Variants in ULK4 observed in about 807,000 individuals in gnomAD.
The protein encoded by ULK4 is inactive serine/threonine-protein kinase ULK4.
A neutral mutation model predicts 160.6 loss-of-function variants in ULK4; 133 were observed. That is an observed-to-expected ratio of 0.83 (90% CI 0.72 to 0.96). The LOEUF (loss-of-function observed/expected upper bound fraction) is 0.96. Ranked by LOEUF, ULK4 falls within the 40% of genes least tolerant of loss-of-function variation. The probability of loss-of-function intolerance (pLI) is 0.00; values close to 1 mark genes in which losing one functional copy is unlikely to be tolerated. For missense variants in ULK4, 1,580 were observed against 1,499.5 expected, an observed-to-expected ratio of 1.05 and a Z score of -0.89; for synonymous variants, 534 against 539.8, an observed-to-expected ratio of 0.99 and a Z score of 0.15.
At chr3:41,696,576 CAGCTGTCTTTT>C (rs1482186195) in intron 27 of ULK4, among the ~76,000 whole-genome samples, 1 of 152,086 alleles carries the variant, frequency 6.6e-6, no homozygotes, top group Non-Finnish European at 1.5e-5. Context: ...CCACTGGGCC[CAGCTGTCTTTT>C]ATCTCTTTGT....
intron 17 of ULK4, among the ~76,000 whole-genome samples, chr3:41,851,118 A>T (rs1005840890): frequency 1.3e-5 from 2 of 152,160 alleles, no homozygotes; most frequent in Non-Finnish European, 2.9e-5. Flanking sequence ...AGTATGTTGA[A>T]TAGGAGTGGT....
intron 17 of ULK4, among the ~76,000 whole-genome samples, chr3:41,859,792 G>C (rs1357633637): frequency 6.7e-6 from 1 of 150,340 alleles, no homozygotes; most frequent in Non-Finnish European, 1.5e-5. Context: ...CCAGTAGCTA[G>C]GATTACAGGT....
chr3:41,344,743 ACT>A (rs1215266981), intron 35 of ULK4, among the ~76,000 whole-genome samples: 2 of 129,770 alleles, frequency 1.5e-5, no homozygotes, highest in African/African-American at 6.3e-5. Flanking sequence ...ACAGAGCAAG[ACT>A]CTGTCTCAAA....
chr3:41,478,412 T>G (rs2084209231), intron 32 of ULK4, among the ~76,000 whole-genome samples: 1 of 152,270 alleles, frequency 6.6e-6, no homozygotes, highest in African/African-American at 2.4e-5. Flanking sequence ...AAGAAAATTT[T>G]GCATATTAGA....
chr3:41,670,372 T>C (rs2035497464), intron 29 of ULK4, among the ~76,000 whole-genome samples: 1 of 152,062 alleles, frequency 6.6e-6, no homozygotes, highest in African/African-American at 2.4e-5. Context: ...AAAATGAAAT[T>C]GGGTATAAAT....
At chr3:41,700,353 T>C (rs553337647) in intron 27 of ULK4, among the ~76,000 whole-genome samples, 4 of 152,268 alleles carry the variant, frequency 2.6e-5, no homozygotes, top group African/African-American at 7.2e-5. Context: ...CAGAGTTTTA[T>C]GAGTCACCTT....
At position 41,252,150 on chromosome 3, in the gene ULK4, C is replaced by G. The variant is rs79832906; in HGVS notation, c.3679-2576G>C. Among the ~76,000 whole-genome samples, 855 of 152,224 alleles carry G rather than the reference C, an allele frequency of 5.6e-3. 9 individuals are homozygous for G. Among genetic ancestry groups the G allele is most frequent in the African/African-American group, 0.019 (806 of 41,532 alleles). On this transcript the variant is annotated intron_variant, in intron 35 of 36. Transcript: ENST00000301831. ...TGAACCTAATCAGCATGATTGCTTGCTAAAACAAAAATATCAATATTCTCT... is the reference window on the plus strand; with the variant it reads ...TGAACCTAATCAGCATGATTGCTTGGTAAAACAAAAATATCAATATTCTCT...
At chr3:41,270,019 A>G (rs1482667049) in intron 35 of ULK4, among the ~76,000 whole-genome samples, 1 of 150,492 alleles carries the variant, frequency 6.6e-6, no homozygotes, top group Non-Finnish European at 1.5e-5. Flanking sequence ...ATATATATGT[A>G]TCATATTAGG....
chr3:41,483,759 G>A (rs1039166628), intron 32 of ULK4, among the ~76,000 whole-genome samples: 11 of 152,178 alleles, frequency 7.2e-5, no homozygotes, highest in Non-Finnish European at 1.3e-4. Flanking sequence ...AGAATCTTGA[G>A]ATGGGGCATT....
chr3:41,294,882 G>C lies in ULK4; in HGVS notation c.3679-45308C>G, dbSNP rs1346673187. Among the ~76,000 whole-genome samples the C allele has an allele frequency of 4.6e-5, 7 of 152,144 alleles. 1 individual carries two copies. Among genetic ancestry groups the C allele is most frequent in the African/African-American group, 1.7e-4 (7 of 41,436 alleles). Reference sequence around the variant, plus strand: ...TCAAGAGGTCAGCTCTTGTCAACTTGATCTATAGATTCAATGCAATTGCAA... The same window carrying C: ...TCAAGAGGTCAGCTCTTGTCAACTTCATCTATAGATTCAATGCAATTGCAA... On this transcript the variant is annotated intron_variant, in intron 35 of 36. Coordinates refer to ENST00000301831, the MANE Select transcript of ULK4 (RefSeq NM_017886.4).
chr3:41,568,465 T>C (rs879272816), intron 31 of ULK4, among the ~76,000 whole-genome samples: 1 of 152,250 alleles, frequency 6.6e-6, no homozygotes, highest in Non-Finnish European at 1.5e-5. Context: ...TACTGACTTA[T>C]AAGTGACACC....
intron 22 of ULK4, among the ~76,000 whole-genome samples, chr3:41,723,058 C>T (rs1305516509): frequency 6.6e-6 from 1 of 152,140 alleles, no homozygotes; most frequent in Non-Finnish European, 1.5e-5. Context: ...ACAACCTCAC[C>T]AATACCTACT....
chr3:41,411,264 C>A (rs1056658939), intron 34 of ULK4, among the ~76,000 whole-genome samples: 2 of 151,976 alleles, frequency 1.3e-5, no homozygotes, highest in African/African-American at 4.8e-5. Context: ...TCTAGACATG[C>A]CTCATTATAC....
At chr3:41,616,134 T>C (rs575123750) in intron 30 of ULK4, among the ~76,000 whole-genome samples, 3 of 152,334 alleles carry the variant, frequency 2.0e-5, no homozygotes, top group Admixed American at 6.5e-5. Context: ...AAGAAATTAA[T>C]GTATGACGAA....
At chr3:41,844,777 T>C (rs1238856734) in intron 17 of ULK4, among the ~76,000 whole-genome samples, 4 of 123,664 alleles carry the variant, frequency 3.2e-5, no homozygotes, top group South Asian at 3.0e-4. Context: ...TCGGAAAACT[T>C]TGGAGGTTTT....
chr3:41,406,238 T>G (rs1459479750), intron 34 of ULK4, among the ~76,000 whole-genome samples: 2 of 152,228 alleles, frequency 1.3e-5, no homozygotes, highest in Non-Finnish European at 2.9e-5. Context: ...CTTTCCCTGT[T>G]GCTTACTTTT....
At position 41,789,707 on chromosome 3, in the gene ULK4, G is replaced by A; in HGVS notation, c.2147C>T (p.Ala716Val). Residue 716 changes from alanine to valine, a missense_variant, in exon 21 of 37, where the codon GCC becomes GTC. Transcript: ENST00000301831. Reference protein sequence around the residue: ...VQQYMLTLFAAMLSCGIHLQR... With the variant: ...VQQYMLTLFAVMLSCGIHLQR... The stretch of plus-strand genomic sequence containing the variant: ...AAGATGAATCCCACAGGACAACATG[G>A]CAGCGAATAAGGTCAACATGTACTG... 6.2e-7 allele frequency: 1 copy of A among 1,610,036 alleles called. No individual in the cohort carries two copies. Among genetic ancestry groups the A allele is most frequent in the Non-Finnish European group, 8.5e-7 (1 of 1,178,272 alleles).
chr3:41,379,110 C>T (rs1029122582), intron 35 of ULK4, among the ~76,000 whole-genome samples: 2 of 151,452 alleles, frequency 1.3e-5, no homozygotes, highest in East Asian at 1.9e-4. Flanking sequence ...ATGTAGATGA[C>T]GAGTTGATGG....
intron 35 of ULK4, among the ~76,000 whole-genome samples, chr3:41,269,219 A>C (rs557234026): frequency 5.6e-4 from 85 of 151,992 alleles, no homozygotes; most frequent in Non-Finnish European, 9.6e-4. Context: ...AATCACTCAC[A>C]AGTATCCCTT....
Sources: gnomAD v4.1 joint callset for allele counts (sites outside exome capture counted in the v4.1 genomes callset) on GRCh38, gnomAD v4.1.1 for gene constraint, MANE v1.5 for transcripts, NCBI Gene and HGNC (gene_info 2026-07-23, HGNC 2026-07-21) for gene names.